YRDC: variants seen among roughly 807,000 people sequenced by gnomAD.
The protein encoded by YRDC is threonylcarbamoyl-AMP synthase.
A neutral mutation model predicts 21.5 loss-of-function variants in YRDC; 17 were observed. That is an observed-to-expected ratio of 0.79 (90% CI 0.54 to 1.19). The LOEUF is 1.19. Ranked by LOEUF, YRDC falls within the 50% of genes most tolerant of loss-of-function variation. The probability of loss-of-function intolerance (pLI) is 0.00; values close to 1 mark genes in which losing one functional copy is unlikely to be tolerated. For missense variants in YRDC, 380 were observed against 397.1 expected, an observed-to-expected ratio of 0.96 and a Z score of 0.37; for synonymous variants, 193 against 176.7, an observed-to-expected ratio of 1.09 and a Z score of -0.73.
intron 3 of YRDC, 121 bp from the exon 4 acceptor site, chr1:37,804,565 A>G: frequency 8.0e-7 from 1 of 1,253,648 alleles, no homozygotes; most frequent in Non-Finnish European, 1.1e-6. Context: ...CTCTAAGCAG[A>G]GAAAGGAGCT....
Position 37,807,980 on chromosome 1 carries a change from G to C in YRDC, c.201C>G (p.Thr67=). 8.3e-7 allele frequency: 1 copy of C among 1,206,144 alleles called. No homozygotes were observed. Among genetic ancestry groups the C allele is most frequent in the Non-Finnish European group, 1.0e-6 (1 of 972,246 alleles). 74.7% of individuals were successfully genotyped at this position (1,206,144 alleles called of 1,614,324 possible). ...CGGCCACGGCGGCCCGCAGCGCCTC[G>C]GTCCAGCCGGCGCGCTCCGGGCTCG... ...QAASPERAGW[T]EALRAAVAEL... The change falls in exon 1 of 5, where the codon ACC becomes ACG. Residue 67 remains threonine, a synonymous_variant. Coordinates refer to ENST00000373044, the MANE Select transcript of YRDC (RefSeq NM_024640.4).
intron 1 of YRDC, 29 bp from the exon 2 acceptor site, chr1:37,807,244 C>G (rs1557579165): frequency 1.9e-6 from 3 of 1,605,954 alleles, no homozygotes; most frequent in Non-Finnish European, 2.6e-6. Context: ...TAAATCCATT[C>G]AAAATTGAAG....
intron 1 of YRDC, chr1:37,807,449 TATC>T (rs1331686770): frequency 8.4e-6 from 5 of 596,006 alleles, no homozygotes; most frequent in East Asian, 2.9e-5. Context: ...ACCGCTGTGA[TATC>T]ATGATAGTGG....
In YRDC at chr1:37,808,134, G is replaced by A. The variant is rs1418029926; in HGVS notation, c.47C>T (p.Ala16Val). The A allele has an allele frequency of 2.0e-6, 3 of 1,469,636 alleles. No individual in the cohort carries two copies. The highest frequency in any genetic ancestry group is 3.0e-5 in the East Asian group (1 of 33,274). 91.0% of individuals were successfully genotyped at this position (1,469,636 alleles called of 1,614,324 possible). The change falls in exon 1 of 5, where the codon GCC (alanine) becomes GTC (valine). Residue 16 changes from alanine (A) to valine (V), a missense_variant. This residue lies in a region of YRDC where 91 missense variants were observed against 64.7 expected (regional missense o/e 1.41). Coordinates refer to ENST00000373044, the MANE Select transcript of YRDC (RefSeq NM_024640.4). ...AGGCCCCTCGCTCAACCCCACGCTG[G>A]CAGCCACCGCGGCCCTCATCCCCCT... ...RCRGMRAAVA[A>V]SVGLSEGPAG... is the part of the protein sequence containing the mutation.
At chr1:37,807,290 C>T (rs1229614517) in intron 1 of YRDC, 75 bp from the exon 2 acceptor site, 2 of 1,352,648 alleles carry the variant, frequency 1.5e-6, no homozygotes, top group Non-Finnish European at 1.0e-6. Context: ...TCTAGGCAGA[C>T]GTAGAAAAGG....
Position 37,807,169 on chromosome 1 carries a change from G to GC in YRDC, c.435dup (p.Pro146AlafsTer31). On this transcript the variant is annotated frameshift_variant, in exon 2 of 5. Transcript: ENST00000373044. LOFTEE classifies it high-confidence loss of function. ...TCCATCACCAGGGTCACTGGTCCTG[G>GC]CAGTAGGTCTTTCAGGAGCCCCTCA... 1 of 1,614,122 alleles carries GC rather than the reference G, an allele frequency of 6.2e-7. No individual in the cohort carries two copies. The highest frequency in any genetic ancestry group is 2.2e-5 in the East Asian group (1 of 44,880).
chr1:37,804,067 C>T lies in YRDC; in HGVS notation c.768-70G>A. On this transcript the variant is annotated intron_variant, in intron 4 of 4. Transcript: ENST00000373044. ...CCCGAGCCCACCAGAGGCTGGTGAG[C>T]AGGGACATCGAAACTGGCTAGCCTT... is the stretch of plus-strand genomic sequence containing the variant. 1.9e-6 allele frequency: 3 copies of T among 1,580,046 alleles called. No homozygotes were observed. The South Asian group carries it at 3.3e-5, about 18-fold the overall frequency.
chr1:37,807,786 C>A lies in YRDC; in HGVS notation c.389+6G>T. 2 of 1,506,864 alleles carry A rather than the reference C, an allele frequency of 1.3e-6. No homozygotes were observed. Among genetic ancestry groups the A allele is most frequent in the East Asian group, 2.6e-5 (1 of 38,398 alleles). 93.3% of individuals were successfully genotyped at this position (1,506,864 alleles called of 1,614,324 possible). ...CCCTAGCGGGGCCGGGTCGGGGCGG[C>A]CTTACCTGTAGACGTCGGCCACGCG... On this transcript the variant is annotated splice_donor_region_variant and intron_variant, in intron 1 of 4. Transcript: ENST00000373044.
rs1252000756 is a variant in YRDC at position 37,807,445 on chromosome 1, G to C, written c.390-230C>G. 3 of 599,300 alleles carry C rather than the reference G, an allele frequency of 5.0e-6. No individual in the cohort carries two copies. In the East Asian group the frequency reaches 8.5e-5, roughly 17 times the overall value. 37.1% of individuals were successfully genotyped at this position (599,300 alleles called of 1,614,324 possible). On this transcript the variant is annotated intron_variant, in intron 1 of 4. Coordinates refer to ENST00000373044, the MANE Select transcript of YRDC (RefSeq NM_024640.4). ...CAGGGACTACAACAGCTGCACCGCTGTGATATCATGATAGTGGGATCAAGC... is the reference window on the plus strand; with the variant it reads ...CAGGGACTACAACAGCTGCACCGCTCTGATATCATGATAGTGGGATCAAGC...
chr1:37,803,887 C>T lies in YRDC; in HGVS notation c.*38G>A. 1.2e-6 allele frequency: 2 copies of T among 1,609,074 alleles called. No homozygotes were observed. The highest frequency in any genetic ancestry group is 1.7e-6 in the Non-Finnish European group (2 of 1,176,128). On this transcript the variant is annotated 3_prime_UTR_variant, in exon 5 of 5. Transcript: ENST00000373044. ...TCGTCAGTGGACAGACACATAGTAT[C>T]CAGCACCAGGTCTTGGGCCTTCCTG...
intron 1 of YRDC, 32 bp from the exon 2 acceptor site, chr1:37,807,247 A>G: frequency 6.3e-7 from 1 of 1,591,596 alleles, no homozygotes; most frequent in Non-Finnish European, 8.6e-7. Flanking sequence ...ATCCATTCAA[A>G]ATTGAAGGGC....
chr1:37,807,808 C>CGCGGCCGAGGCAT lies in YRDC; in HGVS notation c.360_372dup (p.Val125MetfsTer18). 2 of 1,509,150 alleles carry CGCGGCCGAGGCAT rather than the reference C, an allele frequency of 1.3e-6. No individual in the cohort carries two copies. Among genetic ancestry groups the CGCGGCCGAGGCAT allele is most frequent in the Non-Finnish European group, 1.8e-6 (2 of 1,133,304 alleles). 93.5% of individuals were successfully genotyped at this position (1,509,150 alleles called of 1,614,324 possible). On this transcript the variant is annotated frameshift_variant, in exon 1 of 5. Coordinates refer to ENST00000373044, the MANE Select transcript of YRDC (RefSeq NM_024640.4). LOFTEE classifies it high-confidence loss of function. ...CGGCCTTACCTGTAGACGTCGGCCA[C>CGCGGCCGAGGCAT]GCGGCCGAGGCATACGGCCAGAGGC...
chr1:37,805,293 C>A (rs1646727383), intron 3 of YRDC, among the ~76,000 whole-genome samples: 2 of 152,130 alleles, frequency 1.3e-5, no homozygotes, highest in Admixed American at 1.3e-4. Flanking sequence ...AGGTAAAAAT[C>A]TGGTCACTTA....
In YRDC at chr1:37,807,234, T is replaced by C. The variant is rs376585745; in HGVS notation, c.390-19A>G. The C allele has an allele frequency of 1.9e-6, 3 of 1,610,072 alleles. No individual in the cohort carries two copies. Among genetic ancestry groups the C allele is most frequent in the Non-Finnish European group, 2.5e-6 (3 of 1,176,494 alleles). On this transcript the variant is annotated intron_variant, in intron 1 of 4. Transcript: ENST00000373044. ...GCAGTATCTGGGAAACACAGAAGAA[T>C]AAATCCATTCAAAATTGAAGGGCCA...
At chr1:37,804,241 T>A in intron 4 of YRDC, 61 bp downstream of exon 4, 3 of 1,573,960 alleles carry the variant, frequency 1.9e-6, no homozygotes, top group Non-Finnish European at 2.6e-6. Flanking sequence ...TTGTCAAAGC[T>A]TTTTTGCATC....
At chr1:37,805,980 C>T (rs1331098150) in intron 3 of YRDC, among the ~76,000 whole-genome samples, 2 of 152,116 alleles carry the variant, frequency 1.3e-5, no homozygotes, top group African/African-American at 2.4e-5. Context: ...CTACGTTTTA[C>T]ATCTTAGTAA....
chr1:37,803,092 A>G lies in YRDC; in HGVS notation c.*833T>C, dbSNP rs916382666. On this transcript the variant is annotated 3_prime_UTR_variant, in exon 5 of 5. Transcript: ENST00000373044. ...GGATTTAAATAAAGGTGTTATGGGT[A>G]TAATTAACTATAATTTATTTTATGA... 16 of 152,260 alleles carry G rather than the reference A, an allele frequency of 1.1e-4. No homozygotes were observed. The highest frequency in any genetic ancestry group is 3.6e-4 in the African/African-American group (15 of 41,474). The allele number at this position is 152,260 out of a possible 1,614,324, so 9.4% of individuals were successfully genotyped here.
Position 37,803,483 on chromosome 1 carries a change from G to A in YRDC, c.*442C>T. On this transcript the variant is annotated 3_prime_UTR_variant, in exon 5 of 5. Coordinates refer to ENST00000373044, the MANE Select transcript of YRDC (RefSeq NM_024640.4). ...GCCTCCCAGAATGTTGGGATTACAG[G>A]CATGAGCCACCACACGCAGCCACCT... 6.1e-6 allele frequency: 1 copy of A among 163,352 alleles called. No individual in the cohort carries two copies. The highest frequency in any genetic ancestry group is 1.3e-5 in the Non-Finnish European group (1 of 74,158). 10.1% of individuals were successfully genotyped at this position (163,352 alleles called of 1,614,324 possible).
In YRDC at chr1:37,804,364, G is replaced by C. The variant is rs549053933; in HGVS notation, c.705C>G (p.Arg235=). The C allele has an allele frequency of 3.0e-5, 48 of 1,614,022 alleles. No individual in the cohort carries two copies. The South Asian group carries it at 4.3e-4, about 14-fold the overall frequency. The part of the protein sequence containing the change: ...QIGDGQSPEC[R]LGSTVVDLSV... Reference sequence around the variant, plus strand: ...ACAAATCAACCACAGTTGAGCCAAGGCGACACTCGGGGCTCTGGCCATCCC... The same window carrying C: ...ACAAATCAACCACAGTTGAGCCAAGCCGACACTCGGGGCTCTGGCCATCCC... Residue 235 remains arginine (R), a synonymous_variant, in exon 4 of 5, where the codon CGC becomes CGG. Coordinates refer to ENST00000373044, the MANE Select transcript of YRDC (RefSeq NM_024640.4).
Sources: gnomAD v4.1 joint callset for allele counts (sites outside exome capture counted in the v4.1 genomes callset) on GRCh38, gnomAD v4.1.1 for gene constraint, gnomAD v4.1.1 regional missense constraint, MANE v1.5 for transcripts, NCBI Gene and HGNC (gene_info 2026-07-23, HGNC 2026-07-21) for gene names.